Variants in RBMS1 observed in about 807,000 individuals in gnomAD.
RBMS1 encodes the protein RNA binding motif single stranded interacting protein 1.
In RBMS1, 17 loss-of-function variants were observed where a neutral mutation model predicts 62.3. That is an observed-to-expected ratio of 0.27 (90% CI 0.19 to 0.41). The LOEUF (loss-of-function observed/expected upper bound fraction) is 0.41. RBMS1 is among the 10% of genes least tolerant of loss of function. The pLI is 1.00. For missense variants in RBMS1, 334 were observed against 504.5 expected, an observed-to-expected ratio of 0.66 and a Z score of 3.24; for synonymous variants, 172 against 170.0, an observed-to-expected ratio of 1.01 and a Z score of -0.09.
intron 4 of RBMS1, among the ~76,000 whole-genome samples, chr2:160,310,437 T>G (rs1226545445): frequency 1.3e-5 from 2 of 152,228 alleles, no homozygotes; most frequent in Non-Finnish European, 2.9e-5. Flanking sequence ...AAACTGTATT[T>G]GCTATGTAAC....
chr2:160,426,202 G>A (rs1239160289), intron 1 of RBMS1, among the ~76,000 whole-genome samples: 7 of 146,450 alleles, frequency 4.8e-5, no homozygotes, highest in African/African-American at 1.8e-4. Context: ...AAGAAAGGAA[G>A]AAAGAGAGAG....
intron 1 of RBMS1, among the ~76,000 whole-genome samples, chr2:160,395,105 A>G (rs1695066389): frequency 1.3e-5 from 2 of 152,358 alleles, no homozygotes; most frequent in Non-Finnish European, 2.9e-5. Flanking sequence ...ACAAATCATG[A>G]AGTCAGACAA....
chr2:160,395,789 A>C (rs1163587831), intron 1 of RBMS1, among the ~76,000 whole-genome samples: 1 of 152,230 alleles, frequency 6.6e-6, no homozygotes, highest in African/African-American at 2.4e-5. Context: ...CTGAGAAGCA[A>C]GGACAAATAT....
chr2:160,428,715 C>T (rs192347164), intron 1 of RBMS1, among the ~76,000 whole-genome samples: 238 of 152,212 alleles, frequency 1.6e-3, no homozygotes, highest in Non-Finnish European at 2.0e-3. Flanking sequence ...ATATAAAGAA[C>T]CAGAATAAAT....
At chr2:160,457,470 A>G (rs968721821) in intron 1 of RBMS1, among the ~76,000 whole-genome samples, 6 of 152,202 alleles carry the variant, frequency 3.9e-5, no homozygotes, top group African/African-American at 1.4e-4. Flanking sequence ...CACAGCTGGT[A>G]AGTAGCAGAG....
intron 1 of RBMS1, among the ~76,000 whole-genome samples, chr2:160,392,523 G>A (rs939414759): frequency 1.3e-5 from 2 of 151,088 alleles, no homozygotes; most frequent in African/African-American, 2.4e-5. Flanking sequence ...CAGTTCCCAC[G>A]TAAACCTTTA....
intron 1 of RBMS1, among the ~76,000 whole-genome samples, chr2:160,460,171 C>T (rs1222961223): frequency 6.6e-6 from 1 of 152,150 alleles, no homozygotes; most frequent in Admixed American, 6.5e-5. Flanking sequence ...CTGGTCATAA[C>T]TTTGAAGAGG....
chr2:160,392,749 G>A (rs2105215047), intron 1 of RBMS1, among the ~76,000 whole-genome samples: 1 of 152,168 alleles, frequency 6.6e-6, no homozygotes, highest in South Asian at 2.1e-4. Context: ...AAAATTAACT[G>A]CATGTGGTGG....
chr2:160,350,253 G>C (rs954795608), intron 2 of RBMS1, among the ~76,000 whole-genome samples: 1 of 152,064 alleles, frequency 6.6e-6, no homozygotes, highest in Non-Finnish European at 1.5e-5. Flanking sequence ...TACAAGTGGA[G>C]AATGGAAGAC....
chr2:160,290,625 C>T (rs1241471776), intron 6 of RBMS1, among the ~76,000 whole-genome samples: 4 of 152,160 alleles, frequency 2.6e-5, no homozygotes, highest in Non-Finnish European at 5.9e-5. Flanking sequence ...TTCTCATTCT[C>T]ATCACCCAAA....
intron 2 of RBMS1, among the ~76,000 whole-genome samples, chr2:160,337,854 C>T (rs1347850397): frequency 6.6e-6 from 1 of 152,102 alleles, no homozygotes; most frequent in Admixed American, 6.6e-5. Flanking sequence ...GAAAAATGTA[C>T]CCTGTATGGG....
chr2:160,364,517 A>G (rs1693296130), intron 2 of RBMS1, among the ~76,000 whole-genome samples: 1 of 151,722 alleles, frequency 6.6e-6, no homozygotes, highest in South Asian at 2.1e-4. Context: ...CCTCTTAGCC[A>G]GGGTGATCTA....
chr2:160,350,919 G>A (rs1692458867), intron 2 of RBMS1, among the ~76,000 whole-genome samples: 1 of 152,070 alleles, frequency 6.6e-6, no homozygotes, highest in Non-Finnish European at 1.5e-5. Context: ...GATCCTTGAG[G>A]AATCGCCACA....
At chr2:160,427,267 ATAAC>A (rs1682678137) in intron 1 of RBMS1, among the ~76,000 whole-genome samples, 1 of 152,196 alleles carries the variant, frequency 6.6e-6, no homozygotes. Flanking sequence ...GAGGTCAATA[ATAAC>A]TATCTAAGAG....
intron 10 of RBMS1, among the ~76,000 whole-genome samples, chr2:160,280,463 C>T (rs1272341498): frequency 6.6e-6 from 1 of 152,214 alleles, no homozygotes; most frequent in African/African-American, 2.4e-5. Context: ...CATGGTCTTA[C>T]ATCGCAGTAT....
chr2:160,311,232 C>CTATATATCTA (rs1689866017), intron 4 of RBMS1, among the ~76,000 whole-genome samples: 8 of 79,250 alleles, frequency 1.0e-4, no homozygotes, highest in Middle Eastern at 7.1e-3. Flanking sequence ...ATCTATCTAT[C>CTATATATCTA]TATATATATA....
chr2:160,304,446 A>T (rs551835005), intron 4 of RBMS1, among the ~76,000 whole-genome samples: 2 of 152,360 alleles, frequency 1.3e-5, no homozygotes, highest in African/African-American at 4.8e-5. Flanking sequence ...ACCAGTAAGT[A>T]ACACCGACAC....
chr2:160,339,977 A>T (rs1691783564), intron 2 of RBMS1, among the ~76,000 whole-genome samples: 1 of 152,194 alleles, frequency 6.6e-6, no homozygotes, highest in South Asian at 2.1e-4. Context: ...CACACATAAC[A>T]TGTACAAATC....
At chr2:160,442,996 A>T (rs1683474242) in intron 1 of RBMS1, among the ~76,000 whole-genome samples, 1 of 152,176 alleles carries the variant, frequency 6.6e-6, no homozygotes, top group African/African-American at 2.4e-5. Flanking sequence ...ACTTGAGGTC[A>T]GGAGTTCGAG....
Sources: gnomAD v4.1 joint callset for allele counts (sites outside exome capture counted in the v4.1 genomes callset) on GRCh38, gnomAD v4.1.1 for gene constraint, MANE v1.5 for transcripts, NCBI Gene and HGNC (gene_info 2026-07-23, HGNC 2026-07-21) for gene names.